Variants in PDE2A observed in about 807,000 individuals in gnomAD.
PDE2A encodes the protein cGMP-dependent 3',5'-cyclic phosphodiesterase.
In PDE2A, 53 loss-of-function variants were observed where a neutral mutation model predicts 133.6. The observed-to-expected ratio is 0.40, with a 90% confidence interval of 0.32 to 0.50. The LOEUF is 0.50. Among genes scored for constraint, PDE2A ranks in the 20% least tolerant of loss-of-function variants. The probability of loss-of-function intolerance (pLI) is 0.73; values close to 1 mark genes in which losing one functional copy is unlikely to be tolerated. For missense variants in PDE2A, 796 were observed against 1,232.4 expected, an observed-to-expected ratio of 0.65 and a Z score of 5.30; for synonymous variants, 491 against 490.2, an observed-to-expected ratio of 1.00 and a Z score of -0.02.
chr11:72,659,200 C>T (rs1459432894), intron 1 of PDE2A, among the ~76,000 whole-genome samples: 5 of 150,752 alleles, frequency 3.3e-5, no homozygotes, highest in South Asian at 4.2e-4. Flanking sequence ...CTTGGTCTCC[C>T]GCTGGGTGAG....
At position 72,605,119 on chromosome 11, in the gene PDE2A, G is replaced by C; in HGVS notation, c.323+19C>G. On this transcript the variant is annotated intron_variant, in intron 4 of 30. Coordinates refer to ENST00000334456, the MANE Select transcript of PDE2A (RefSeq NM_002599.5). ...CTTGGCCATGCAAGAGGGCAATGGG[G>C]GTGCAGAGAATGGCTCACCGGACTT... 1 of 1,537,044 alleles carries C rather than the reference G, an allele frequency of 6.5e-7. No individual in the cohort carries two copies. The highest frequency in any genetic ancestry group is 9.0e-7 in the Non-Finnish European group (1 of 1,113,438).
Position 72,674,223 on chromosome 11 carries a change from G to A in PDE2A, c.-16C>T, listed in dbSNP as rs200790693. ...CCTGCCCCATCACTCCTCATCGTCC[G>A]CCTCCCCAGCCAGACTAAGGTGGCA... On this transcript the variant is annotated 5_prime_UTR_variant, in exon 1 of 31. Transcript: ENST00000334456. 3,378 of 1,603,462 alleles carry A rather than the reference G, an allele frequency of 2.1e-3. 21 individuals are homozygous for A. Among genetic ancestry groups the A allele is most frequent in the Middle Eastern group, 0.01 (63 of 6,026 alleles).
chr11:72,672,803 A>G (rs1027721341), intron 1 of PDE2A, among the ~76,000 whole-genome samples: 1 of 151,192 alleles, frequency 6.6e-6, no homozygotes, highest in Non-Finnish European at 1.5e-5. Flanking sequence ...ATTATTGCCT[A>G]TTTCTTTTCT....
At chr11:72,630,346 C>G (rs1376379539) in intron 2 of PDE2A, among the ~76,000 whole-genome samples, 1 of 152,054 alleles carries the variant, frequency 6.6e-6, no homozygotes, top group Non-Finnish European at 1.5e-5. Flanking sequence ...GGGCGACAGA[C>G]AGCAGAGCGC....
chr11:72,660,610 G>A (rs1855025488), intron 1 of PDE2A, among the ~76,000 whole-genome samples: 1 of 152,142 alleles, frequency 6.6e-6, no homozygotes, highest in South Asian at 2.1e-4. Flanking sequence ...GGGAACAAAG[G>A]TGGCAGAACT....
At chr11:72,591,464 A>C (rs1856245366) in intron 6 of PDE2A, 108 bp from the exon 7 acceptor site, 4 of 779,724 alleles carry the variant, frequency 5.1e-6, no homozygotes, top group East Asian at 2.5e-5. Context: ...ACACATACAC[A>C]CTCCAGTCTG....
At position 72,581,377 on chromosome 11, in the gene PDE2A, C is replaced by G. The variant is rs749862344; in HGVS notation, c.2025G>C (p.Leu675=). The change falls in exon 23 of 31, where the codon CTG becomes CTC. Residue 675 remains leucine (L), a synonymous_variant. Coordinates refer to ENST00000334456, the MANE Select transcript of PDE2A (RefSeq NM_002599.5). The stretch of plus-strand genomic sequence containing the variant: ...CTCACTCGAGGTAGTTGGTGAGCTC[C>G]AGGTTCTTGTAGAGCAGGTAGCAGA... ...SHFCYLLYKN[L]ELTNYLEDIE... 5 of 1,613,056 alleles carry G rather than the reference C, an allele frequency of 3.1e-6. No homozygotes were observed. In the Admixed American group the frequency reaches 8.3e-5, roughly 27 times the overall value.
chr11:72,579,116 T>C (rs1455603128), intron 27 of PDE2A, 107 bp from the exon 28 acceptor site: 2 of 981,366 alleles, frequency 2.0e-6, no homozygotes, highest in Middle Eastern at 2.1e-4. Context: ...TTGGGCACCC[T>C]TGATGGGAGC....
intron 2 of PDE2A, among the ~76,000 whole-genome samples, chr11:72,632,776 C>A (rs1377536021): frequency 6.6e-6 from 1 of 152,106 alleles, no homozygotes; most frequent in African/African-American, 2.4e-5. Context: ...CAGCTCCCCC[C>A]TCACACCTCC....
chr11:72,670,010 A>G (rs1318148017), intron 1 of PDE2A, among the ~76,000 whole-genome samples: 2 of 150,816 alleles, frequency 1.3e-5, no homozygotes, highest in African/African-American at 4.9e-5. Flanking sequence ...TCAATTCCCC[A>G]CTCCTCTCCT....
chr11:72,627,235 A>C (rs1467340357), intron 2 of PDE2A, among the ~76,000 whole-genome samples: 1 of 152,242 alleles, frequency 6.6e-6, no homozygotes, highest in East Asian at 1.9e-4. Flanking sequence ...GACAAAGGAG[A>C]CTCAGTCTCA....
At chr11:72,668,609 G>T (rs140523102) in intron 1 of PDE2A, among the ~76,000 whole-genome samples, 1 of 152,354 alleles carries the variant, frequency 6.6e-6, no homozygotes, top group African/African-American at 2.4e-5. Flanking sequence ...TTGGCAGCAG[G>T]GTGTGGATTT....
In PDE2A at chr11:72,577,301, G is replaced by A. The variant is rs923473638; in HGVS notation, c.*83C>T. On this transcript the variant is annotated 3_prime_UTR_variant, in exon 31 of 31. Transcript: ENST00000334456. The stretch of plus-strand genomic sequence containing the variant: ...AGTCCTGGTCTAGGACCCAGGACCC[G>A]TGGCTCTGTTCCCAGTGCATCTGGC... 1.0e-4 allele frequency: 108 copies of A among 1,042,682 alleles called. No homozygotes were observed. Among genetic ancestry groups the A allele is most frequent in the Non-Finnish European group, 1.4e-4 (95 of 696,424 alleles). 64.6% of individuals were successfully genotyped at this position (1,042,682 alleles called of 1,614,324 possible).
chr11:72,612,023 G>C (rs1168373684), intron 2 of PDE2A, among the ~76,000 whole-genome samples: 1 of 152,138 alleles, frequency 6.6e-6, no homozygotes, highest in Non-Finnish European at 1.5e-5. Context: ...TCCTGAATTG[G>C]AGGCACAGAT....
chr11:72,579,864 TG>T (rs1855640419), intron 25 of PDE2A: 1 of 473,424 alleles, frequency 2.1e-6, no homozygotes, highest in African/African-American at 1.9e-5. Flanking sequence ...AGGTAAGCTC[TG>T]GGGTCCCTGA....
chr11:72,626,751 C>G (rs894308418), intron 2 of PDE2A, among the ~76,000 whole-genome samples: 2 of 152,224 alleles, frequency 1.3e-5, no homozygotes, highest in African/African-American at 2.4e-5. Context: ...GTGCTACCCC[C>G]GCAGCTGGGC....
intron 2 of PDE2A, among the ~76,000 whole-genome samples, chr11:72,613,561 G>C (rs1235109676): frequency 6.6e-6 from 1 of 151,734 alleles, no homozygotes; most frequent in Non-Finnish European, 1.5e-5. Context: ...TCCTCTCCAG[G>C]AGTCTTGACG....
At chr11:72,669,002 T>C (rs1176788894) in intron 1 of PDE2A, 3 of 996,432 alleles carry the variant, frequency 3.0e-6, no homozygotes, top group Non-Finnish European at 2.4e-6. Context: ...ATAATGACAG[T>C]AGCTAACCTT....
Position 72,608,703 on chromosome 11 carries a change from G to C in PDE2A, c.193C>G (p.Arg65Gly), listed in dbSNP as rs754921312. 5.7e-6 allele frequency: 9 copies of C among 1,577,302 alleles called. No individual in the cohort carries two copies. ...GSVIDISGLQ[R>G]AVKEALSAVL... is the part of the protein sequence containing the mutation. ...GCTGACAGGGCCTCCTTGACAGCAC[G>C]TTGCAGGCCTGAAATGTCGATGACA... The change falls in exon 3 of 31, where the codon CGT becomes GGT. Residue 65 changes from arginine to glycine, a missense_variant. Physicochemically the swap from Arg to Gly is moderately radical, Grantham distance 125. Around this residue, in one of 7 missense-constraint regions of PDE2A, gnomAD observed 417 missense variants for 475.3 expected, o/e 0.88. Coordinates refer to ENST00000334456, the MANE Select transcript of PDE2A (RefSeq NM_002599.5).
Sources: gnomAD v4.1 joint callset for allele counts (sites outside exome capture counted in the v4.1 genomes callset) on GRCh38, gnomAD v4.1.1 for gene constraint, gnomAD v4.1.1 regional missense constraint, MANE v1.5 for transcripts, NCBI Gene and HGNC (gene_info 2026-07-23, HGNC 2026-07-21) for gene names.